MAPK6: variants seen among roughly 807,000 people sequenced by gnomAD.
MAPK6 encodes mitogen-activated protein kinase 6, also known as ERK-3.
In MAPK6, 19 loss-of-function variants were observed where a neutral mutation model predicts 59.3. The observed-to-expected ratio is 0.32, with a 90% confidence interval of 0.22 to 0.47. The LOEUF is 0.47. Among genes scored for constraint, MAPK6 ranks in the 20% least tolerant of loss-of-function variants. The probability of loss-of-function intolerance (pLI) is 1.00; values close to 1 mark genes in which losing one functional copy is unlikely to be tolerated. For synonymous variants in MAPK6, 316 were observed against 290.3 expected (o/e 1.09, Z -0.90); for missense variants, 724 against 847.9 (o/e 0.85, Z 1.81).
intron 2 of MAPK6, among the ~76,000 whole-genome samples, chr15:51,998,729 C>T (rs1249953469): frequency 1.8e-5 from 1 of 57,054 alleles, no homozygotes; most frequent in Non-Finnish European, 3.6e-5. Flanking sequence ...CTCGCTCTGC[C>T]GCCCAGGCTG....
intron 1 of MAPK6, among the ~76,000 whole-genome samples, chr15:52,038,609 T>G (rs1194643004): frequency 3.3e-5 from 5 of 152,158 alleles, no homozygotes; most frequent in Non-Finnish European, 4.4e-5. Context: ...AATTTATATT[T>G]TCATCTAGTT....
intron 2 of MAPK6, among the ~76,000 whole-genome samples, chr15:51,996,651 C>A (rs922123914): frequency 6.6e-6 from 1 of 151,998 alleles, no homozygotes; most frequent in African/African-American, 2.4e-5. Context: ...CTGTCTGGGC[C>A]TCCCAAAGCA....
Position 52,064,712 on chromosome 15 carries a change from T to C in MAPK6, c.1878T>C (p.Thr626=). The C allele has an allele frequency of 6.2e-7, 1 of 1,611,804 alleles. No individual in the cohort carries two copies. The highest frequency in any genetic ancestry group is 8.5e-7 in the Non-Finnish European group (1 of 1,179,750). ...DEQVEKENTY[T]SYLDKFFSRK... ...AAGTTGAGAAGGAAAACACTTACAC[T>C]AGTTACTTGGACAAGTTCTTTAGCA... The change falls in exon 6 of 6, where the codon ACT becomes ACC. Residue 626 remains threonine (T), a synonymous_variant. Coordinates refer to ENST00000261845, the MANE Select transcript of MAPK6 (RefSeq NM_002748.4).
chr15:52,035,941 G>T lies in MAPK6; in HGVS notation c.-631-9889G>T, dbSNP rs1280915833. ...TTTTTTTCCTTAAACTATGATTTTTGTAGCTTATCCAGCTTGTTGCAGTTT... is the reference window on the plus strand; with the variant it reads ...TTTTTTTCCTTAAACTATGATTTTTTTAGCTTATCCAGCTTGTTGCAGTTT... On this transcript the variant is annotated intron_variant, in intron 1 of 5. Coordinates refer to ENST00000261845, the MANE Select transcript of MAPK6 (RefSeq NM_002748.4). Among the ~76,000 whole-genome samples the T allele has an allele frequency of 2.7e-5, 4 of 150,754 alleles. No individual in the cohort carries two copies. In the Middle Eastern group the frequency reaches 0.014, roughly 513 times the overall value.
intron 5 of MAPK6, among the ~76,000 whole-genome samples, chr15:52,063,080 CTTTT>C (rs756927422): frequency 6.6e-6 from 1 of 152,006 alleles, no homozygotes; most frequent in Admixed American, 6.6e-5. Context: ...TGGTTCTTTT[CTTTT>C]TTGAGACGGA....
chr15:52,019,585 G>C (rs949855053), intron 1 of MAPK6, among the ~76,000 whole-genome samples: 2 of 146,058 alleles, frequency 1.4e-5, no homozygotes, highest in Admixed American at 1.4e-4. Context: ...CCGCCCGCTC[G>C]GGCCTGGCCG....
Position 51,979,223 on chromosome 15 carries a change from G to A in MAPK6, c.-879-3983G>A, listed in dbSNP as rs199540695. ...AAGAAGGAAAGAAGAAAGAAAAAAA[G>A]AGAAAGAAAAGGAAGGAAGGAAGGA... On this transcript the variant is annotated intron_variant, in intron 1 of 7. Coordinates refer to the MAPK6 transcript ENST00000691380. Among the ~76,000 whole-genome samples the A allele has an allele frequency of 3.5e-3, 532 of 150,000 alleles. 15 individuals carry two copies. The highest frequency in any genetic ancestry group is 0.026 in the Admixed American group (394 of 14,980).
At chr15:52,029,603 G>A (rs1189170070) in intron 1 of MAPK6, among the ~76,000 whole-genome samples, 1 of 152,130 alleles carries the variant, frequency 6.6e-6, no homozygotes, top group Non-Finnish European at 1.5e-5. Context: ...TACCTAACAT[G>A]TCCAAAATAG....
chr15:52,029,529 CAT>C (rs2030948218), intron 1 of MAPK6, among the ~76,000 whole-genome samples: 1 of 152,180 alleles, frequency 6.6e-6, no homozygotes, highest in Non-Finnish European at 1.5e-5. Flanking sequence ...GAGCTCCAGA[CAT>C]ATTATCCAAC....
intron 1 of MAPK6, among the ~76,000 whole-genome samples, chr15:52,039,773 TC>T (rs2031359551): frequency 6.6e-6 from 1 of 151,992 alleles, no homozygotes; most frequent in Admixed American, 6.6e-5. Context: ...CACCTTGGAC[TC>T]CCAAAGTGCT....
chr15:52,053,070 G>GTTTT (rs140172832), intron 3 of MAPK6, among the ~76,000 whole-genome samples: 2 of 125,342 alleles, frequency 1.6e-5, no homozygotes, highest in Admixed American at 8.2e-5. Context: ...TCTCATTGTG[G>GTTTT]TTTTTTTTTT....
At chr15:52,036,522 C>T (rs1460183990) in intron 1 of MAPK6, among the ~76,000 whole-genome samples, 2 of 152,188 alleles carry the variant, frequency 1.3e-5, no homozygotes, top group Non-Finnish European at 2.9e-5. Flanking sequence ...AATAGGCCCA[C>T]TCCCACAATA....
At chr15:52,025,746 C>A (rs1477460593) in intron 1 of MAPK6, among the ~76,000 whole-genome samples, 1 of 151,946 alleles carries the variant, frequency 6.6e-6, no homozygotes, top group East Asian at 1.9e-4. Flanking sequence ...GCAGTGAGCG[C>A]CACTGCACTC....
chr15:52,060,385 T>A (rs2032153236), intron 4 of MAPK6, among the ~76,000 whole-genome samples: 1 of 152,086 alleles, frequency 6.6e-6, no homozygotes. Context: ...GAGACAAATG[T>A]GAAGTGGGTT....
At chr15:51,977,077 C>T (rs2057159590) in intron 1 of MAPK6, among the ~76,000 whole-genome samples, 2 of 151,222 alleles carry the variant, frequency 1.3e-5, no homozygotes, top group South Asian at 2.1e-4. Flanking sequence ...GATCTTGGCT[C>T]ACTGCAACCT....
rs2032395563 is a variant in MAPK6 at position 52,065,732 on chromosome 15, A to G, written c.*732A>G. 1 of 71,736 alleles carries G rather than the reference A, an allele frequency of 1.4e-5. No individual in the cohort carries two copies. Among genetic ancestry groups the G allele is most frequent in the African/African-American group, 5.0e-5 (1 of 20,150 alleles). The allele number at this position is 71,736 out of a possible 1,614,324, so 4.4% of individuals were successfully genotyped here. On this transcript the variant is annotated 3_prime_UTR_variant, in exon 6 of 6. Coordinates refer to ENST00000261845, the MANE Select transcript of MAPK6 (RefSeq NM_002748.4). The stretch of plus-strand genomic sequence containing the variant: ...AAAATTAACTTAGTTTTTAAAATTT[A>G]TTTGCAAATATACTTTACTTTTTCC...
intron 2 of MAPK6, among the ~76,000 whole-genome samples, chr15:52,048,739 C>A (rs1038886152): frequency 1.4e-5 from 2 of 147,830 alleles, no homozygotes; most frequent in Non-Finnish European, 3.0e-5. Context: ...GACCAACCTG[C>A]GCAGTGGCTC....
intron 2 of MAPK6, among the ~76,000 whole-genome samples, chr15:51,998,792 G>C (rs1342347972): frequency 7.0e-6 from 1 of 142,994 alleles, no homozygotes; most frequent in Admixed American, 7.3e-5. Flanking sequence ...CTGGGTTCAC[G>C]CCATTCTCCT....
intron 1 of MAPK6, among the ~76,000 whole-genome samples, chr15:52,020,965 G>A (rs1223041021): frequency 6.6e-6 from 1 of 152,152 alleles, no homozygotes; most frequent in East Asian, 1.9e-4. Flanking sequence ...AGGTATTACT[G>A]TTGAGAAGAA....
Sources: gnomAD v4.1 joint callset for allele counts (sites outside exome capture counted in the v4.1 genomes callset) on GRCh38, gnomAD v4.1.1 for gene constraint, MANE v1.5 for transcripts, NCBI Gene and HGNC (gene_info 2026-07-23, HGNC 2026-07-21) for gene names.